EPN2: variants seen among roughly 807,000 people sequenced by gnomAD.
EPN2 encodes epsin 2, also known as epsin-2.
Under a neutral mutation model 61.7 loss-of-function variants are expected in EPN2, and 34 were observed. The ratio of observed to expected loss-of-function variants is 0.55; its 90% CI spans 0.42 to 0.73. The LOEUF (loss-of-function observed/expected upper bound fraction) is 0.73. Among genes scored for constraint, EPN2 ranks in the 30% least tolerant of loss-of-function variants. The pLI is 0.00. For synonymous variants in EPN2, 349 were observed against 353.6 expected, an observed-to-expected ratio of 0.99 and a Z score of 0.15; for missense variants, 714 against 839.2, an observed-to-expected ratio of 0.85 and a Z score of 1.84.
intron 4 of EPN2, among the ~76,000 whole-genome samples, chr17:19,286,588 T>C (rs1172090302): frequency 6.6e-6 from 1 of 152,178 alleles, no homozygotes; most frequent in Admixed American, 6.5e-5. Flanking sequence ...TCTACTCTTC[T>C]TACAAGAAGG....
intron 4 of EPN2, among the ~76,000 whole-genome samples, chr17:19,290,724 A>AG (rs61553294): frequency 2.7e-5 from 4 of 149,224 alleles, no homozygotes; most frequent in African/African-American, 4.9e-5. Context: ...AAGAAAAAAA[A>AG]AGAAAAAGGA....
At chr17:19,323,441 C>T (rs1001464857) in intron 7 of EPN2, among the ~76,000 whole-genome samples, 1 of 152,190 alleles carries the variant, frequency 6.6e-6, no homozygotes, top group African/African-American at 2.4e-5. Flanking sequence ...TGCTCCTTCT[C>T]AGATCCAGGA....
chr17:19,308,691 ATCTC>A, intron 4 of EPN2: 1 of 985,242 alleles, frequency 1.0e-6, no homozygotes, highest in Non-Finnish European at 1.2e-6. Flanking sequence ...GTAGCTCCAA[ATCTC>A]TCAGAGGGCA....
chr17:19,291,316 C>T (rs1880769105), intron 4 of EPN2, among the ~76,000 whole-genome samples: 1 of 152,218 alleles, frequency 6.6e-6, no homozygotes, highest in African/African-American at 2.4e-5. Context: ...CTGCTGTCCG[C>T]CAGGCCTTCG....
chr17:19,239,418 C>T (rs1485031587), intron 1 of EPN2, among the ~76,000 whole-genome samples: 1 of 152,236 alleles, frequency 6.6e-6, no homozygotes, highest in Non-Finnish European at 1.5e-5. Context: ...TCCCAAAGTG[C>T]TGGGATTACA....
At chr17:19,278,262 C>T (rs2045328018) in intron 1 of EPN2, among the ~76,000 whole-genome samples, 1 of 152,102 alleles carries the variant, frequency 6.6e-6, no homozygotes, top group African/African-American at 2.4e-5. Context: ...AGACATGAGC[C>T]ACCACACCTG....
chr17:19,254,288 T>A (rs2045049554), intron 1 of EPN2, among the ~76,000 whole-genome samples: 1 of 152,104 alleles, frequency 6.6e-6, no homozygotes, highest in Admixed American at 6.6e-5. Context: ...ACGCCTGTAA[T>A]CCCAGCACTT....
intron 1 of EPN2, among the ~76,000 whole-genome samples, chr17:19,265,187 G>A (rs2045183040): frequency 6.6e-6 from 1 of 152,122 alleles, no homozygotes; most frequent in Non-Finnish European, 1.5e-5. Context: ...GAGCCCAGGA[G>A]TTCGAGACCA....
intron 4 of EPN2, among the ~76,000 whole-genome samples, chr17:19,288,168 C>T (rs778866751): frequency 7.2e-5 from 11 of 152,180 alleles, no homozygotes; most frequent in Non-Finnish European, 1.5e-4. Context: ...GGGGGTCCTC[C>T]TGTTCCGGCG....
chr17:19,237,918 T>C (rs1260018539), intron 1 of EPN2, among the ~76,000 whole-genome samples: 1 of 152,090 alleles, frequency 6.6e-6, no homozygotes, highest in Non-Finnish European at 1.5e-5. Flanking sequence ...CAGAGCACGT[T>C]CCTCCTCTCC....
In EPN2 at chr17:19,313,118, C is replaced by T. The variant is rs1906225048; in HGVS notation, c.986C>T (p.Pro329Leu). The T allele has an allele frequency of 6.2e-7, 1 of 1,613,602 alleles. No individual in the cohort carries two copies. The highest frequency in any genetic ancestry group is 8.5e-7 in the Non-Finnish European group (1 of 1,179,802). ...IPKKKEHGSL[P>L]QQTTLLDLMD... ...TTGTCTTAAAAGCATGGCTCTCTCC[C>T]ACAGCAGACTACGCTGTTGGATTTA... Residue 329 changes from proline to leucine, a missense_variant, in exon 7 of 11, where the codon CCA becomes CTA. By Grantham distance (98) the Pro-to-Leu change is moderately conservative (BLOSUM62 -3). This residue lies in a region of EPN2 where 410 missense variants were observed against 421.8 expected (regional missense o/e 0.97). Transcript: ENST00000314728.
chr17:19,333,587 C>A (rs1907261525), intron 10 of EPN2, among the ~76,000 whole-genome samples: 1 of 152,144 alleles, frequency 6.6e-6, no homozygotes, highest in Admixed American at 6.5e-5. Context: ...CACTGCCAGT[C>A]CCATGTCCCT....
At chr17:19,326,025 C>T (rs935696312) in intron 7 of EPN2, among the ~76,000 whole-genome samples, 1 of 152,046 alleles carries the variant, frequency 6.6e-6, no homozygotes, top group African/African-American at 2.4e-5. Flanking sequence ...TGCTTAGTTC[C>T]TAGGAATAAA....
At chr17:19,245,899 A>C (rs1009128593) in intron 1 of EPN2, among the ~76,000 whole-genome samples, 1 of 151,890 alleles carries the variant, frequency 6.6e-6, no homozygotes, top group Non-Finnish European at 1.5e-5. Flanking sequence ...TCCTGACCTC[A>C]GGTGATCTGC....
At chr17:19,269,035 CA>C (rs919664915) in intron 1 of EPN2, among the ~76,000 whole-genome samples, 1 of 152,164 alleles carries the variant, frequency 6.6e-6, no homozygotes, top group Admixed American at 6.5e-5. Context: ...ACATGGTGGT[CA>C]TGTTCCAGGC....
chr17:19,264,352 T>G (rs1443716439), intron 1 of EPN2, among the ~76,000 whole-genome samples: 1 of 152,170 alleles, frequency 6.6e-6, no homozygotes, highest in East Asian at 1.9e-4. Context: ...CTTGCTCCCA[T>G]TTTTGTTTTT....
intron 1 of EPN2, among the ~76,000 whole-genome samples, chr17:19,252,049 T>A (rs2045021409): frequency 6.6e-6 from 1 of 152,030 alleles, no homozygotes. Flanking sequence ...AGGTGTGGAG[T>A]TTTCCACTTG....
Position 19,335,751 on chromosome 17 carries a change from G to A in EPN2, c.*1497G>A. 1 of 309,180 alleles carries A rather than the reference G, an allele frequency of 3.2e-6. No individual in the cohort carries two copies. Among genetic ancestry groups the A allele is most frequent in the Non-Finnish European group, 5.9e-6 (1 of 169,306 alleles). The allele number at this position is 309,180 out of a possible 1,614,324, so 19.2% of individuals were successfully genotyped here. A position where few individuals can be genotyped will look rare whatever the true frequency, so the allele number is the denominator to read the frequency against. ...AAGAAAAAAGTCATTCACCTGGGAG[G>A]GATTTTTAACAAACATGCACTAATA... On this transcript the variant is annotated 3_prime_UTR_variant, in exon 11 of 11. Transcript: ENST00000314728.
chr17:19,328,701 C>T lies in EPN2; in HGVS notation c.1148-10C>T. 1.3e-6 allele frequency: 2 copies of T among 1,596,958 alleles called. No individual in the cohort carries two copies. Among genetic ancestry groups the T allele is most frequent in the Non-Finnish European group, 8.6e-7 (1 of 1,169,298 alleles). ...AGGCATTTCTGAGCCCTGACCCTGCCTTCCAACAGGTACCAAGCCAGCTGC... is the reference window on the plus strand; with the variant it reads ...AGGCATTTCTGAGCCCTGACCCTGCTTTCCAACAGGTACCAAGCCAGCTGC... On this transcript the variant is annotated splice_polypyrimidine_tract_variant and intron_variant, in intron 7 of 10. Transcript: ENST00000314728.
Sources: allele counts gnomAD v4.1 joint callset (sites outside exome capture counted in the v4.1 genomes callset), GRCh38; gene constraint gnomAD v4.1.1; regional missense constraint gnomAD v4.1.1; transcripts MANE v1.5; gene names NCBI Gene and HGNC (gene_info 2026-07-23, HGNC 2026-07-21).